Variants in NIPA2 observed in about 807,000 individuals in gnomAD.
NIPA2 encodes NIPA magnesium transporter 2.
Under a neutral mutation model 29.7 loss-of-function variants are expected in NIPA2, and 11 were observed. The ratio of observed to expected loss-of-function variants is 0.37; its 90% CI spans 0.23 to 0.61. The LOEUF (loss-of-function observed/expected upper bound fraction) is 0.61. Ranked by LOEUF, NIPA2 falls within the 20% of genes least tolerant of loss-of-function variation. The pLI is 0.66. For synonymous variants in NIPA2, 183 were observed against 161.9 expected, an observed-to-expected ratio of 1.13 and a Z score of -0.99; for missense variants, 426 against 437.9, an observed-to-expected ratio of 0.97 and a Z score of 0.24.
chr15:22,854,971 G>A (rs999282451), intron 5 of NIPA2, among the ~76,000 whole-genome samples: 88 of 152,220 alleles, frequency 5.8e-4, no homozygotes, highest in African/African-American at 2.0e-3. Flanking sequence ...TGAAAGTTAA[G>A]AGGAGAATTC....
chr15:22,840,385 C>A (rs1896742538), intron 2 of NIPA2, among the ~76,000 whole-genome samples: 1 of 151,526 alleles, frequency 6.6e-6, no homozygotes, highest in Non-Finnish European at 1.5e-5. Context: ...GCAACCTCCG[C>A]CTCCTGGGTT....
At position 22,867,144 on chromosome 15, in the gene NIPA2, A is replaced by G; in HGVS notation, c.*297A>G. The G allele has an allele frequency of 4.4e-6, 2 of 450,638 alleles. No individual in the cohort carries two copies. The highest frequency in any genetic ancestry group is 3.8e-5 in the Admixed American group (1 of 25,978). The allele number at this position is 450,638 out of a possible 1,614,324, so 27.9% of individuals were successfully genotyped here. ...ACTAATGACAGTTTTAAGTCTATGAAAATGCTTTATTTTTTCATTGGTGAT... is the reference window on the plus strand; with the variant it reads ...ACTAATGACAGTTTTAAGTCTATGAGAATGCTTTATTTTTTCATTGGTGAT... On this transcript the variant is annotated 3_prime_UTR_variant, in exon 8 of 8. Coordinates refer to ENST00000337451, the MANE Select transcript of NIPA2 (RefSeq NM_030922.7).
At chr15:22,865,354 C>A (rs1046599002) in intron 7 of NIPA2, among the ~76,000 whole-genome samples, 1 of 151,814 alleles carries the variant, frequency 6.6e-6, no homozygotes, top group Non-Finnish European at 1.5e-5. Flanking sequence ...GGCGTGTTGG[C>A]GGGCACCTGT....
Position 22,867,239 on chromosome 15 carries a change from A to G in NIPA2, c.*392A>G. On this transcript the variant is annotated 3_prime_UTR_variant, in exon 8 of 8. Coordinates refer to ENST00000337451, the MANE Select transcript of NIPA2 (RefSeq NM_030922.7). ...TGACCATGTAAGGCTTTTTTATTTT[A>G]AAAAAACAGAGTTATCCCAATACAT... The G allele has an allele frequency of 2.5e-6, 1 of 404,032 alleles. No homozygotes were observed. The highest frequency in any genetic ancestry group is 4.4e-6 in the Non-Finnish European group (1 of 229,678). The allele number at this position is 404,032 out of a possible 1,614,324, so 25.0% of individuals were successfully genotyped here.
chr15:22,865,860 T>A (rs1184510000), intron 7 of NIPA2, among the ~76,000 whole-genome samples: 1 of 152,138 alleles, frequency 6.6e-6, no homozygotes, highest in African/African-American at 2.4e-5. Context: ...CATCTATAAA[T>A]TGTTGAACAT....
chr15:22,847,525 G>T (rs1337623501), intron 3 of NIPA2, among the ~76,000 whole-genome samples: 1 of 151,672 alleles, frequency 6.6e-6, no homozygotes, highest in African/African-American at 2.4e-5. Flanking sequence ...AATGCAGTGG[G>T]GTGATCTCGG....
At chr15:22,844,316 T>G (rs1404649251) in intron 2 of NIPA2, among the ~76,000 whole-genome samples, 1 of 152,088 alleles carries the variant, frequency 6.6e-6, no homozygotes, top group Non-Finnish European at 1.5e-5. Context: ...ATCCCAGCAC[T>G]TTGGGAGGCC....
At chr15:22,856,172 C>T (rs1192782725) in intron 5 of NIPA2, among the ~76,000 whole-genome samples, 1 of 152,004 alleles carries the variant, frequency 6.6e-6, no homozygotes, top group Non-Finnish European at 1.5e-5. Flanking sequence ...GCTACCTTGG[C>T]TCACCTGTTG....
chr15:22,866,506 G>C lies in NIPA2; in HGVS notation c.742G>C (p.Val248Leu), dbSNP rs774939953. The change falls in exon 8 of 8, where the codon GTG becomes CTG. Residue 248 changes from valine to leucine, a missense_variant. Val to Leu is a conservative substitution (Grantham distance 32, BLOSUM62 1). Around this residue, in one of 3 missense-constraint regions of NIPA2, gnomAD observed 357 missense variants for 339.8 expected, o/e 1.05. Transcript: ENST00000337451. ...CCTGGATATATTCAACACTTCCATT[G>C]TGACTCCAATATATTATGTATTCTT... is the stretch of plus-strand genomic sequence containing the variant. ...RALDIFNTSIVTPIYYVFFTT... is the reference protein window; with the variant it reads ...RALDIFNTSILTPIYYVFFTT... The C allele has an allele frequency of 6.2e-7, 1 of 1,613,776 alleles. No individual in the cohort carries two copies. The highest frequency in any genetic ancestry group is 8.5e-7 in the Non-Finnish European group (1 of 1,179,714).
intron 2 of NIPA2, among the ~76,000 whole-genome samples, chr15:22,842,898 G>A (rs184046498): frequency 8.4e-4 from 127 of 151,908 alleles, no homozygotes; most frequent in African/African-American, 2.9e-3. Flanking sequence ...AGCTACTCGG[G>A]AGGCAGAGGC....
At chr15:22,861,211 A>G (rs1030867131) in intron 7 of NIPA2, among the ~76,000 whole-genome samples, 18 of 152,154 alleles carry the variant, frequency 1.2e-4, no homozygotes, top group African/African-American at 4.3e-4. Context: ...GAATCGATCA[A>G]TGTATCATGA....
chr15:22,849,185 C>G (rs547325252), intron 3 of NIPA2, among the ~76,000 whole-genome samples: 10 of 152,202 alleles, frequency 6.6e-5, no homozygotes, highest in Non-Finnish European at 1.5e-4. Context: ...ACTCACCTAT[C>G]TAGAATTATT....
At chr15:22,849,598 C>T (rs576434388) in intron 3 of NIPA2, among the ~76,000 whole-genome samples, 2 of 149,050 alleles carry the variant, frequency 1.3e-5, no homozygotes, top group Non-Finnish European at 3.0e-5. Flanking sequence ...CTCGCTCTGT[C>T]GCCCAGGCTG....
intron 7 of NIPA2, among the ~76,000 whole-genome samples, chr15:22,861,323 G>A (rs1436818962): frequency 1.3e-5 from 2 of 152,186 alleles, no homozygotes; most frequent in Admixed American, 1.3e-4. Flanking sequence ...CTTCTGTGTG[G>A]CCTCAATCTA....
rs1290046173 is a variant in NIPA2, at chr15:22,866,208, T to G, written c.449-5T>G. On this transcript the variant is annotated splice_polypyrimidine_tract_variant and splice_region_variant and intron_variant, in intron 7 of 7. Transcript: ENST00000337451. ...ACTCATGTAACTTTTCTTTGCCTCC[T>G]CCAGGTTTTGTGGTCTTTGCAACCC... is the stretch of plus-strand genomic sequence containing the variant. 4 of 1,606,704 alleles carry G rather than the reference T, an allele frequency of 2.5e-6. No homozygotes were observed. The highest frequency in any genetic ancestry group is 3.4e-6 in the Non-Finnish European group (4 of 1,174,554).
intron 2 of NIPA2, among the ~76,000 whole-genome samples, chr15:22,843,077 A>C (rs1283652137): frequency 6.6e-6 from 1 of 151,864 alleles, no homozygotes; most frequent in African/African-American, 2.4e-5. Context: ...TAGTTTACAC[A>C]ATTTGGTCTT....
rs1051288 is a variant in NIPA2 at position 22,868,260 on chromosome 15, G to C, written c.*1413G>C. 6.6e-6 allele frequency: 1 copy of C among 151,932 alleles called. No individual in the cohort carries two copies. The allele number at this position is 151,932 out of a possible 1,614,324, so 9.4% of individuals were successfully genotyped here. ...CATTTTAATACTACAGATGTACTAC[G>C]TATCTGTTTATATACTGTACCTACA... On this transcript the variant is annotated 3_prime_UTR_variant, in exon 8 of 8. Coordinates refer to ENST00000337451, the MANE Select transcript of NIPA2 (RefSeq NM_030922.7).
At chr15:22,846,460 G>A (rs897409445) in intron 3 of NIPA2, among the ~76,000 whole-genome samples, 1 of 152,176 alleles carries the variant, frequency 6.6e-6, no homozygotes, top group Non-Finnish European at 1.5e-5. Context: ...AACATTAAGT[G>A]TTAGTAAATA....
chr15:22,850,876 A>C (rs999059689), intron 3 of NIPA2, among the ~76,000 whole-genome samples: 3 of 152,248 alleles, frequency 2.0e-5, no homozygotes, highest in African/African-American at 7.2e-5. Flanking sequence ...TCTGGCAGTT[A>C]GAACCAATCA....
Sources: allele counts gnomAD v4.1 joint callset (sites outside exome capture counted in the v4.1 genomes callset), GRCh38; gene constraint gnomAD v4.1.1; regional missense constraint gnomAD v4.1.1; transcripts MANE v1.5; gene names NCBI Gene and HGNC (gene_info 2026-07-23, HGNC 2026-07-21).